MORC1: variants seen among roughly 807,000 people sequenced by gnomAD.
MORC1 encodes the protein MORC family CW-type zinc finger 1.
MORC1 carries 59 observed loss-of-function variants against 134.9 expected under a neutral mutation model. That is an observed-to-expected ratio of 0.44 (90% CI 0.35 to 0.54). MORC1 has a LOEUF of 0.54. MORC1 is among the 20% of genes least tolerant of loss of function. The pLI, the probability that MORC1 is intolerant of heterozygous loss-of-function variation, is 0.00. For synonymous variants in MORC1, 395 were observed against 391.7 expected (o/e 1.01, Z -0.10); for missense variants, 947 against 1,134.5 (o/e 0.83, Z 2.37).
intron 8 of MORC1, among the ~76,000 whole-genome samples, chr3:109,074,641 C>T (rs937878639): frequency 2.0e-5 from 3 of 152,198 alleles, no homozygotes; most frequent in Admixed American, 2.0e-4. Flanking sequence ...AAACACCTTA[C>T]AGTGAAAGCA....
At chr3:109,087,791 A>G (rs550036736) in intron 8 of MORC1, among the ~76,000 whole-genome samples, 1 of 152,244 alleles carries the variant, frequency 6.6e-6, no homozygotes, top group African/African-American at 2.4e-5. Flanking sequence ...CAAAAAGAAC[A>G]AAGCTGGAGG....
chr3:109,010,571 T>C (rs1450710349), intron 17 of MORC1, among the ~76,000 whole-genome samples: 1 of 152,192 alleles, frequency 6.6e-6, no homozygotes, highest in Non-Finnish European at 1.5e-5. Flanking sequence ...AAAATTCAAA[T>C]ACATAATTTG....
chr3:109,017,231 T>A (rs1164313465), intron 17 of MORC1, among the ~76,000 whole-genome samples: 2 of 152,204 alleles, frequency 1.3e-5, no homozygotes, highest in Non-Finnish European at 2.9e-5. Flanking sequence ...ATAATAGATA[T>A]AAAGGAAATA....
At chr3:109,077,403 A>C (rs1178018127) in intron 8 of MORC1, among the ~76,000 whole-genome samples, 1 of 152,162 alleles carries the variant, frequency 6.6e-6, no homozygotes, top group Non-Finnish European at 1.5e-5. Context: ...TACAAAAAAT[A>C]ATTTTAAAAG....
At chr3:109,103,794 G>C in intron 4 of MORC1, 55 bp downstream of exon 4, 1 of 1,443,042 alleles carries the variant, frequency 6.9e-7, no homozygotes, top group Non-Finnish European at 9.7e-7. Context: ...TTATTTTGTA[G>C]GTTTTCAGAC....
At chr3:109,085,968 C>A (rs371791076) in intron 8 of MORC1, among the ~76,000 whole-genome samples, 2 of 151,908 alleles carry the variant, frequency 1.3e-5, no homozygotes, top group African/African-American at 4.8e-5. Context: ...GAGGTCATTA[C>A]GTTAAGTGAA....
intron 3 of MORC1, among the ~76,000 whole-genome samples, chr3:109,106,677 C>G (rs151163852): frequency 1.3e-5 from 2 of 152,164 alleles, no homozygotes; most frequent in Non-Finnish European, 2.9e-5. Flanking sequence ...ACCCCTCACA[C>G]GGGCAACCAT....
At chr3:108,986,988 A>C in intron 21 of MORC1, 39 bp from the exon 22 acceptor site, 1 of 1,456,158 alleles carries the variant, frequency 6.9e-7, no homozygotes, top group African/African-American at 1.4e-5. Context: ...GTACAAAAAC[A>C]TAGGACATAT....
chr3:109,112,437 G>C (rs1174710854), intron 2 of MORC1, among the ~76,000 whole-genome samples: 1 of 152,164 alleles, frequency 6.6e-6, no homozygotes, highest in African/African-American at 2.4e-5. Flanking sequence ...TCCTTCGTAA[G>C]ACCAACTCAG....
At chr3:109,086,648 A>C (rs1559944169) in intron 8 of MORC1, among the ~76,000 whole-genome samples, 1 of 152,070 alleles carries the variant, frequency 6.6e-6, no homozygotes, top group Non-Finnish European at 1.5e-5. Flanking sequence ...CTAACAATTT[A>C]AGTATAAAGA....
rs546486657 is a variant in MORC1 at position 109,028,537 on chromosome 3, A to G, written c.1566-648T>C. ...GTTCTAATAACTTGTGGGTTAGTAA[A>G]TACATAATAATGTAGGATGATTTGT... On this transcript the variant is annotated intron_variant, in intron 16 of 27. Coordinates refer to ENST00000232603, the MANE Select transcript of MORC1 (RefSeq NM_014429.4). Among the ~76,000 whole-genome samples the G allele has an allele frequency of 5.3e-5, 8 of 152,300 alleles. No individual in the cohort carries two copies. The East Asian group carries it at 1.4e-3, about 26-fold the overall frequency.
intron 10 of MORC1, among the ~76,000 whole-genome samples, chr3:109,062,650 G>A (rs941333649): frequency 1.3e-5 from 2 of 152,074 alleles, no homozygotes; most frequent in African/African-American, 4.8e-5. Flanking sequence ...TCAATCTCCT[G>A]ACCTCGTGAT....
Position 109,092,363 on chromosome 3 carries a change from C to T in MORC1, c.689+1073G>A, listed in dbSNP as rs759434694. 7.0e-4 allele frequency among the ~76,000 whole-genome samples: 107 copies of T among 152,126 alleles called. 1 individual carries two copies. Among genetic ancestry groups the T allele is most frequent in the Non-Finnish European group, 5.4e-4 (37 of 68,018 alleles). ...AAGTGTGTTATCAAATAGCTATTTG[C>T]TAACTGTGGAAAGAAATTTCTAAAT... On this transcript the variant is annotated intron_variant, in intron 8 of 27. Coordinates refer to ENST00000232603, the MANE Select transcript of MORC1 (RefSeq NM_014429.4).
In MORC1 at chr3:109,057,426, G is replaced by C; in HGVS notation, c.1092C>G (p.Ser364Arg). 6.2e-7 allele frequency: 1 copy of C among 1,611,472 alleles called. No individual in the cohort carries two copies. Among genetic ancestry groups the C allele is most frequent in the East Asian group, 2.2e-5 (1 of 44,822 alleles). Residue 364 changes from serine to arginine, a missense_variant, in exon 13 of 28, where the codon AGC becomes AGG. Coordinates refer to ENST00000232603, the MANE Select transcript of MORC1 (RefSeq NM_014429.4). ...LFYGVNVENR[S>R]QAGMFIYSNN... The stretch of plus-strand genomic sequence containing the variant: ...TACTGTAAATGAACATTCCAGCTTG[G>C]CTTCGGTTTTCTACGTTCACTCCAT...
At chr3:108,973,276 T>A (rs1384981675) in intron 24 of MORC1, among the ~76,000 whole-genome samples, 1 of 152,162 alleles carries the variant, frequency 6.6e-6, no homozygotes, top group Non-Finnish European at 1.5e-5. Context: ...CTGAACTGAT[T>A]TGGCCTAGTG....
rs1430240289 is a variant in MORC1, at chr3:109,005,301, G to C, written c.1782C>G (p.Thr594=). Residue 594 remains threonine (T), a synonymous_variant, in exon 19 of 28, where the codon ACC becomes ACG. Coordinates refer to ENST00000232603, the MANE Select transcript of MORC1 (RefSeq NM_014429.4). ...CATCGCCCAAAAGCCTGATTTTCTG[G>C]GTTTTGGTATTTTCCTTAAATAACA... ...LTSAHKENTK[T]QKIRLLGDDL... is the part of the protein sequence containing the mutation. The C allele has an allele frequency of 6.3e-7, 1 of 1,587,642 alleles. No individual in the cohort carries two copies. Among genetic ancestry groups the C allele is most frequent in the East Asian group, 2.2e-5 (1 of 44,632 alleles).
intron 17 of MORC1, among the ~76,000 whole-genome samples, chr3:109,013,590 T>C (rs1231596631): frequency 1.3e-5 from 2 of 152,210 alleles, no homozygotes; most frequent in East Asian, 1.9e-4. Context: ...TAAGTGTATT[T>C]GTATGGATTC....
chr3:108,997,872 C>A (rs1193788811), intron 21 of MORC1, among the ~76,000 whole-genome samples: 3 of 151,922 alleles, frequency 2.0e-5, no homozygotes, highest in African/African-American at 7.2e-5. Flanking sequence ...AAAAAAAAAT[C>A]CTTTCAAAAG....
chr3:109,109,786 G>GT (rs1951121787), intron 3 of MORC1: 2 of 152,264 alleles, frequency 1.3e-5, no homozygotes, highest in South Asian at 2.1e-4. Context: ...TGCAGAGAGC[G>GT]TGAGTCCTGA....
Sources: gnomAD v4.1 joint callset for allele counts (sites outside exome capture counted in the v4.1 genomes callset) on GRCh38, gnomAD v4.1.1 for gene constraint, MANE v1.5 for transcripts, NCBI Gene and HGNC (gene_info 2026-07-23, HGNC 2026-07-21) for gene names.